The following JAKMIP1 variants were observed in gnomAD, a reference collection of about 807,000 sequenced individuals.
The protein encoded by JAKMIP1 is janus kinase and microtubule interacting protein 1, also known as janus kinase and microtubule-interacting protein 1.
JAKMIP1 carries 33 observed loss-of-function variants against 113.0 expected under a neutral mutation model. The observed-to-expected ratio is 0.29, with a 90% CI of 0.22 to 0.39. The LOEUF (loss-of-function observed/expected upper bound fraction) is 0.39. Among genes scored for constraint, JAKMIP1 ranks in the 10% least tolerant of loss-of-function variants. The probability of loss-of-function intolerance (pLI) is 1.00; values close to 1 mark genes in which losing one functional copy is unlikely to be tolerated. For missense variants in JAKMIP1, 813 were observed against 1,080.5 expected (o/e 0.75, Z 3.47); for synonymous variants, 480 against 459.9 (o/e 1.04, Z -0.56).
rs559509435 is a variant in JAKMIP1, at chr4:6,192,225, G to A, written c.-148+8028C>T. Among the ~76,000 whole-genome samples the A allele has an allele frequency of 1.4e-4, 22 of 152,186 alleles. No individual in the cohort carries two copies. Among genetic ancestry groups the A allele is most frequent in the African/African-American group, 3.6e-4 (15 of 41,514 alleles). Reference sequence around the variant, plus strand: ...TGGGATTACAGGCGTGAGCCACCGCGCCTGGCCAGGGTGTATTTTTCACTC... The same window carrying A: ...TGGGATTACAGGCGTGAGCCACCGCACCTGGCCAGGGTGTATTTTTCACTC... On this transcript the variant is annotated intron_variant, in intron 1 of 20. Coordinates refer to ENST00000409021, the MANE Select transcript of JAKMIP1 (RefSeq NM_001099433.2). The surrounding 1 kb of genome is among the most constrained non-coding windows in gnomAD (Gnocchi z 5.0).
At chr4:6,029,622 A>G (rs370373893) in intron 20 of JAKMIP1, 94 bp downstream of exon 20, 13 of 814,248 alleles carry the variant, frequency 1.6e-5, no homozygotes, top group Admixed American at 4.2e-5. Flanking sequence ...GGCTGGAGAC[A>G]GAGTCTATGC....
At chr4:6,170,008 ACCCT>A (rs1724196435) in intron 1 of JAKMIP1, among the ~76,000 whole-genome samples, 1 of 119,222 alleles carries the variant, frequency 8.4e-6, no homozygotes. Context: ...CACCACCACC[ACCCT>A]CACCACCACC....
chr4:6,152,791 T>TATATATATATATATATATATATATAC (rs1553854426), intron 1 of JAKMIP1, among the ~76,000 whole-genome samples: 2 of 109,576 alleles, frequency 1.8e-5, no homozygotes, highest in African/African-American at 6.4e-5. Flanking sequence ...AAAATACAAA[T>TATATATATATATATATATATATATAC]ATATATATAT....
Position 6,031,327 on chromosome 4 carries a change from G to C in JAKMIP1, c.2380-1546C>G, listed in dbSNP as rs186561794. Among the ~76,000 whole-genome samples the C allele has an allele frequency of 2.9e-3, 445 of 152,268 alleles. 6 individuals carry two copies. The highest frequency in any genetic ancestry group is 0.024 in the South Asian group (117 of 4,816). On this transcript the variant is annotated intron_variant, in intron 19 of 20. Transcript: ENST00000409021. The surrounding 1 kb of genome is among the most constrained non-coding windows in gnomAD (Gnocchi z 4.4). ...CTCCTGTAGGGAGGCTGAGACAGGA[G>C]AATTGCTTGAACCTGGGAGGTGGAG...
chr4:6,141,541 C>T lies in JAKMIP1; in HGVS notation c.-147-28544G>A, dbSNP rs1440455289. ...TGCTGCTTTACAAAACAAATATTGACTACAGTCCTTAGGACCCCCATAAAT... is the reference window on the plus strand; with the variant it reads ...TGCTGCTTTACAAAACAAATATTGATTACAGTCCTTAGGACCCCCATAAAT... On this transcript the variant is annotated intron_variant, in intron 1 of 20. Coordinates refer to ENST00000409021, the MANE Select transcript of JAKMIP1 (RefSeq NM_001099433.2). This position sits in a 1 kb window ranked among gnomAD's most constrained non-coding sequence, Gnocchi z 9.4. 6.6e-6 allele frequency among the ~76,000 whole-genome samples: 1 copy of T among 152,234 alleles called. No individual in the cohort carries two copies. The highest frequency in any genetic ancestry group is 6.5e-5 in the Admixed American group (1 of 15,284).
chr4:6,156,181 G>A lies in JAKMIP1; in HGVS notation c.-147-43184C>T, dbSNP rs1189399791. On this transcript the variant is annotated intron_variant, in intron 1 of 20. Transcript: ENST00000409021. The surrounding 1 kb of genome is among the most constrained non-coding windows in gnomAD (Gnocchi z 5.0). Reference sequence around the variant, plus strand: ...CGGGAACATCTTCTCACCGTACCACGCCCGGCACAGAGCCAGCCAGCCACG... The same window carrying A: ...CGGGAACATCTTCTCACCGTACCACACCCGGCACAGAGCCAGCCAGCCACG... Among the ~76,000 whole-genome samples the A allele has an allele frequency of 3.9e-5, 6 of 152,280 alleles. No homozygotes were observed. Among genetic ancestry groups the A allele is most frequent in the East Asian group, 1.9e-4 (1 of 5,186 alleles).
In JAKMIP1 at chr4:6,139,055, A is replaced by AACACACACACACACAC. The variant is rs71984154; in HGVS notation, c.-147-26074_-147-26059dup. Among the ~76,000 whole-genome samples the AACACACACACACACAC allele has an allele frequency of 1.9e-5, 2 of 103,422 alleles. No homozygotes were observed. The highest frequency in any genetic ancestry group is 1.1e-4 in the Admixed American group (1 of 9,280). 67.8% of individuals were successfully genotyped at this position (103,422 alleles called of 152,430 possible). A position where few individuals can be genotyped will look rare whatever the true frequency, so the allele number is the denominator to read the frequency against. ...ATTGTTTGCATGTGACATCATTAGA[A>AACACACACACACACAC]ACACACACACACACACACACACACA... On this transcript the variant is annotated intron_variant, in intron 1 of 20. Coordinates refer to ENST00000409021, the MANE Select transcript of JAKMIP1 (RefSeq NM_001099433.2). This position sits in a 1 kb window ranked among gnomAD's most constrained non-coding sequence, Gnocchi z 5.2.
intron 1 of JAKMIP1, among the ~76,000 whole-genome samples, chr4:6,125,309 C>T (rs1240322284): frequency 6.6e-6 from 1 of 152,074 alleles, no homozygotes; most frequent in Non-Finnish European, 1.5e-5. Context: ...ACCTAGGACC[C>T]TCCCATCCCA....
chr4:6,085,015 TGAA>T (rs1424259660), intron 4 of JAKMIP1, 50 bp from the exon 5 acceptor site: 5 of 1,531,498 alleles, frequency 3.3e-6, no homozygotes, highest in Non-Finnish European at 4.4e-6. Context: ...AAATGTACTT[TGAA>T]GAAGTTGTGT....
In JAKMIP1 at chr4:6,077,424, C is replaced by T. The variant is rs79218864; in HGVS notation, c.1302+1515G>A. 3.7e-3 allele frequency among the ~76,000 whole-genome samples: 554 copies of T among 151,490 alleles called. 7 individuals carry two copies. The highest frequency in any genetic ancestry group is 0.013 in the African/African-American group (533 of 41,286). On this transcript the variant is annotated intron_variant, in intron 8 of 20. Coordinates refer to ENST00000409021, the MANE Select transcript of JAKMIP1 (RefSeq NM_001099433.2). ...TTAGAGGGAGGGAACGTGGCTCTAC[C>T]GACACCTTAATTTCAGCATTCTGGC... is the stretch of plus-strand genomic sequence containing the variant.
At chr4:6,191,404 A>T (rs1013924201) in intron 1 of JAKMIP1, among the ~76,000 whole-genome samples, 3 of 152,144 alleles carry the variant, frequency 2.0e-5, no homozygotes, top group African/African-American at 7.2e-5. Context: ...TCACCTGTGG[A>T]GGCTATGGGT....
In JAKMIP1 at chr4:6,080,890, C is replaced by T. The variant is rs568060217; in HGVS notation, c.1102-578G>A. 7.0e-4 allele frequency among the ~76,000 whole-genome samples: 106 copies of T among 151,768 alleles called. 1 individual carries two copies. The highest frequency in any genetic ancestry group is 2.4e-3 in the African/African-American group (99 of 41,344). ...TGCACACTGCTGACAGGAAGGGATG[C>T]GCAGGGCCTGGGGGTGGAAGACGAC... is the stretch of plus-strand genomic sequence containing the variant. On this transcript the variant is annotated intron_variant, in intron 6 of 20. Coordinates refer to ENST00000409021, the MANE Select transcript of JAKMIP1 (RefSeq NM_001099433.2). This position sits in a 1 kb window ranked among gnomAD's most constrained non-coding sequence, Gnocchi z 6.0.
Position 6,099,939 on chromosome 4 carries a change from C to G in JAKMIP1, c.624+5534G>C, listed in dbSNP as rs535319415. Among the ~76,000 whole-genome samples, 20 of 152,318 alleles carry G rather than the reference C, an allele frequency of 1.3e-4. No individual in the cohort carries two copies. The South Asian group carries it at 2.5e-3, about 19-fold the overall frequency. ...CGGCTGCTCCACGTCCTTGCCATTT[C>G]TCAGCACTGTTAGCTTTTTAATTTA... On this transcript the variant is annotated intron_variant, in intron 3 of 20. Transcript: ENST00000409021.
rs558438921 is a variant in JAKMIP1 at position 6,042,490 on chromosome 4, G to A, written c.2029-263C>T. 1.4e-3 allele frequency among the ~76,000 whole-genome samples: 216 copies of A among 152,200 alleles called. 1 individual carries two copies. The South Asian group carries it at 0.02, about 14-fold the overall frequency. On this transcript the variant is annotated intron_variant, in intron 16 of 20. Coordinates refer to ENST00000409021, the MANE Select transcript of JAKMIP1 (RefSeq NM_001099433.2). The surrounding 1 kb of genome is among the most constrained non-coding windows in gnomAD (Gnocchi z 5.2). ...CTGGATTCAGAGCCTGGATGGACCC[G>A]AGTGTGGGCGGCTGCGAGTGTGTGC...
At position 6,197,509 on chromosome 4, in the gene JAKMIP1, A is replaced by G. The variant is rs1000133038; in HGVS notation, c.-148+2744T>C. On this transcript the variant is annotated intron_variant, in intron 1 of 20. Coordinates refer to ENST00000409021, the MANE Select transcript of JAKMIP1 (RefSeq NM_001099433.2). This position sits in a 1 kb window ranked among gnomAD's most constrained non-coding sequence, Gnocchi z 6.5. ...GCCACTGCCCCCTTTTATACAGGAA[A>G]TGGAGGCTCAGAGAGGTTAATCTTC... is the stretch of plus-strand genomic sequence containing the variant. Among the ~76,000 whole-genome samples the G allele has an allele frequency of 2.0e-5, 3 of 152,312 alleles. No individual in the cohort carries two copies. The South Asian group carries it at 6.2e-4, about 32-fold the overall frequency.
intron 3 of JAKMIP1, among the ~76,000 whole-genome samples, chr4:6,090,059 T>C (rs1272607727): frequency 6.6e-6 from 1 of 151,942 alleles, no homozygotes; most frequent in Non-Finnish European, 1.5e-5. Context: ...CTGTCTCTCC[T>C]AAAAATACAA....
intron 1 of JAKMIP1, among the ~76,000 whole-genome samples, chr4:6,165,331 G>T (rs1335729362): frequency 6.6e-6 from 1 of 152,204 alleles, no homozygotes; most frequent in African/African-American, 2.4e-5. Context: ...TGTAGCCCAG[G>T]CTGGAGTGCA....
At chr4:6,073,384 G>A (rs766136588) in intron 8 of JAKMIP1, among the ~76,000 whole-genome samples, 2 of 152,308 alleles carry the variant, frequency 1.3e-5, no homozygotes, top group Non-Finnish European at 2.9e-5. Flanking sequence ...GGGGAGGAGG[G>A]GACACAGCAC....
rs989520098 is a variant in JAKMIP1 at position 6,116,178 on chromosome 4, T to C, written c.-147-3181A>G. On this transcript the variant is annotated intron_variant, in intron 1 of 20. Coordinates refer to ENST00000409021, the MANE Select transcript of JAKMIP1 (RefSeq NM_001099433.2). This position sits in a 1 kb window ranked among gnomAD's most constrained non-coding sequence, Gnocchi z 5.1. ...AGGGTGGGCCCCAGCAGCCGGCCTC[T>C]GTGCCATGGACACACTGTTGATAGT... 6.6e-6 allele frequency among the ~76,000 whole-genome samples: 1 copy of C among 152,074 alleles called. No homozygotes were observed. Among genetic ancestry groups the C allele is most frequent in the Non-Finnish European group, 1.5e-5 (1 of 68,004 alleles).
Sources: gnomAD v4.1 joint callset for allele counts (sites outside exome capture counted in the v4.1 genomes callset) on GRCh38, gnomAD v4.1.1 for gene constraint, Gnocchi (gnomAD v3.1) non-coding constraint, MANE v1.5 for transcripts, NCBI Gene and HGNC (gene_info 2026-07-23, HGNC 2026-07-21) for gene names.